AUH: variants seen among roughly 807,000 people sequenced by gnomAD.
The protein encoded by AUH is AU RNA binding methylglutaconyl-CoA hydratase.
In AUH, 29 loss-of-function variants were observed where a neutral mutation model predicts 42.3. The ratio of observed to expected loss-of-function variants is 0.69; its 90% CI spans 0.51 to 0.93. The LOEUF (loss-of-function observed/expected upper bound fraction) is 0.93, where lower values mean the gene tolerates loss of function less well. Ranked by LOEUF, AUH falls within the 40% of genes least tolerant of loss-of-function variation. AUH has a pLI of 0.00. For synonymous variants in AUH, 174 were observed against 166.4 expected (o/e 1.05, Z -0.35); for missense variants, 452 against 438.1 (o/e 1.03, Z -0.28).
chr9:91,315,111 A>G (rs1415506787), intron 4 of AUH, among the ~76,000 whole-genome samples: 1 of 151,982 alleles, frequency 6.6e-6, no homozygotes, highest in East Asian at 1.9e-4. Context: ...TAATTTTTGT[A>G]TTTTTTTAGT....
chr9:91,348,527 A>C (rs960413406), intron 3 of AUH, among the ~76,000 whole-genome samples: 2 of 152,238 alleles, frequency 1.3e-5, no homozygotes, highest in African/African-American at 2.4e-5. Context: ...CAAACCGTGA[A>C]ACAGTCATAC....
intron 4 of AUH, among the ~76,000 whole-genome samples, chr9:91,309,889 C>T (rs1212380684): frequency 1.3e-5 from 2 of 152,168 alleles, no homozygotes; most frequent in Admixed American, 1.3e-4. Context: ...CAATCTACCG[C>T]TTTCATTCCA....
intron 6 of AUH, among the ~76,000 whole-genome samples, chr9:91,226,698 G>C (rs1162535272): frequency 2.5e-5 from 3 of 119,592 alleles, no homozygotes; most frequent in African/African-American, 9.9e-5. Context: ...TAACGTTTAA[G>C]TCTTTAATCC....
At chr9:91,230,617 G>A (rs1222294752) in intron 6 of AUH, among the ~76,000 whole-genome samples, 1 of 152,188 alleles carries the variant, frequency 6.6e-6, no homozygotes, top group Non-Finnish European at 1.5e-5. Flanking sequence ...TCCTTTGGAG[G>A]AGGAGAGGCA....
intron 3 of AUH, among the ~76,000 whole-genome samples, chr9:91,342,445 T>C (rs1013213566): frequency 3.9e-5 from 6 of 152,160 alleles, no homozygotes; most frequent in African/African-American, 9.7e-5. Flanking sequence ...GTGGACAACT[T>C]TGGGGGTCAT....
intron 6 of AUH, among the ~76,000 whole-genome samples, chr9:91,243,048 T>C (rs192195435): frequency 1.3e-5 from 2 of 152,352 alleles, no homozygotes; most frequent in East Asian, 1.9e-4. Flanking sequence ...ATTACTCTTA[T>C]AATGTTTCAA....
intron 6 of AUH, among the ~76,000 whole-genome samples, chr9:91,224,121 G>A (rs1186727569): frequency 6.6e-6 from 1 of 152,184 alleles, no homozygotes; most frequent in African/African-American, 2.4e-5. Flanking sequence ...TACTTGTCGT[G>A]ACAGTGATGG....
chr9:91,341,115 A>G (rs1417213105), intron 3 of AUH, among the ~76,000 whole-genome samples: 5 of 152,156 alleles, frequency 3.3e-5, no homozygotes, highest in Admixed American at 3.3e-4. Flanking sequence ...AGCTCTACTC[A>G]AGCTGACCAA....
chr9:91,225,547 T>C (rs1827398017), intron 6 of AUH, among the ~76,000 whole-genome samples: 1 of 151,604 alleles, frequency 6.6e-6, no homozygotes, highest in South Asian at 2.1e-4. Flanking sequence ...TCTTTTTTTT[T>C]ATTATTATTA....
chr9:91,323,621 C>CAAA (rs34091687), intron 4 of AUH, among the ~76,000 whole-genome samples: 2 of 67,902 alleles, frequency 2.9e-5, no homozygotes, highest in African/African-American at 5.5e-5. Flanking sequence ...GACTCCGGCT[C>CAAA]AAAAAAAAAA....
chr9:91,241,496 G>A (rs12336196), intron 6 of AUH, among the ~76,000 whole-genome samples: 1,733 of 152,006 alleles, frequency 0.011, 16 homozygotes, highest in Non-Finnish European at 0.019. Flanking sequence ...TCCTTTTTGA[G>A]ATTTTGTGTT....
intron 3 of AUH, among the ~76,000 whole-genome samples, chr9:91,341,590 G>A (rs1434140452): frequency 6.6e-6 from 1 of 152,188 alleles, no homozygotes; most frequent in Non-Finnish European, 1.5e-5. Flanking sequence ...ATCAAAGCTT[G>A]TTTTATTTAA....
intron 4 of AUH, 100 bp downstream of exon 4, chr9:91,325,218 A>G (rs1446481259): frequency 4.4e-6 from 4 of 914,550 alleles, no homozygotes; most frequent in Non-Finnish European, 7.0e-6. Context: ...ATCTAATTAT[A>G]TAAATATTTA....
chr9:91,284,324 A>G (rs1826224280), intron 6 of AUH, among the ~76,000 whole-genome samples: 1 of 152,248 alleles, frequency 6.6e-6, no homozygotes, highest in African/African-American at 2.4e-5. Flanking sequence ...AAGACGGATT[A>G]AAGACTTAAA....
intron 3 of AUH, among the ~76,000 whole-genome samples, chr9:91,341,760 T>G (rs1831121073): frequency 6.6e-6 from 1 of 152,216 alleles, no homozygotes; most frequent in African/African-American, 2.4e-5. Context: ...GGAGGCTGAC[T>G]GATAATCAAT....
chr9:91,250,800 C>T lies in AUH; in HGVS notation c.656-29808G>A, dbSNP rs1587693888. Among the ~76,000 whole-genome samples the T allele has an allele frequency of 2.6e-5, 4 of 152,182 alleles. No homozygotes were observed. The East Asian group carries it at 5.8e-4, about 22-fold the overall frequency. On this transcript the variant is annotated intron_variant, in intron 6 of 9. Transcript: ENST00000375731. Reference sequence around the variant, plus strand: ...CCGTCTTTTGACGGCAGAGAGTCGCCCTCAAGACAAGCCTCTGTCAGACTG... The same window carrying T: ...CCGTCTTTTGACGGCAGAGAGTCGCTCTCAAGACAAGCCTCTGTCAGACTG...
chr9:91,216,742 G>A (rs1413942349), intron 8 of AUH, among the ~76,000 whole-genome samples: 1 of 152,102 alleles, frequency 6.6e-6, no homozygotes, highest in Non-Finnish European at 1.5e-5. Context: ...CAATAAATGG[G>A]TATGTGCACC....
At chr9:91,245,135 G>A (rs1297971891) in intron 6 of AUH, among the ~76,000 whole-genome samples, 1 of 152,306 alleles carries the variant, frequency 6.6e-6, no homozygotes, top group Admixed American at 6.5e-5. Context: ...TGACACAGTT[G>A]CATGGCACAA....
At chr9:91,356,268 G>T in intron 1 of AUH, 113 bp from the exon 2 acceptor site, 2 of 857,974 alleles carry the variant, frequency 2.3e-6, no homozygotes, top group Admixed American at 2.0e-5. Flanking sequence ...AGAAATTCAT[G>T]ACATCACGTT....
Sources: gnomAD v4.1 joint callset for allele counts (sites outside exome capture counted in the v4.1 genomes callset) on GRCh38, gnomAD v4.1.1 for gene constraint, MANE v1.5 for transcripts, NCBI Gene and HGNC (gene_info 2026-07-23, HGNC 2026-07-21) for gene names.